The following CAPN8 variants were observed in gnomAD, a reference collection of about 807,000 sequenced individuals.
The protein encoded by CAPN8 is calpain 8.
Under a neutral mutation model 80.9 loss-of-function variants are expected in CAPN8, and 87 were observed. The observed-to-expected ratio is 1.07, with a 90% CI of 0.90 to 1.28. The LOEUF is 1.28. CAPN8 is among the 50% of genes most tolerant of loss of function. The probability of loss-of-function intolerance (pLI) is 0.00; values close to 1 mark genes in which losing one functional copy is unlikely to be tolerated. For synonymous variants in CAPN8, 299 were observed against 273.8 expected, an observed-to-expected ratio of 1.09 and a Z score of -0.91; for missense variants, 757 against 702.0, an observed-to-expected ratio of 1.08 and a Z score of -0.89.
At chr1:223,628,591 A>G in intron 3 of CAPN8, 71 bp downstream of exon 3, 2 of 1,206,394 alleles carry the variant, frequency 1.7e-6, no homozygotes, top group Non-Finnish European at 2.4e-6. Flanking sequence ...AGAATTTCTG[A>G]CGCAGTGGAC....
chr1:223,543,205 G>A, intron 19 of CAPN8, 39 bp from the exon 20 acceptor site: 1 of 1,549,512 alleles, frequency 6.5e-7, no homozygotes, highest in East Asian at 2.4e-5. Flanking sequence ...AGATAAGGCT[G>A]TTCCTGGACT....
At chr1:223,618,049 C>T (rs1657254091) in intron 9 of CAPN8, 1 of 594,154 alleles carries the variant, frequency 1.7e-6, no homozygotes, top group Non-Finnish European at 3.0e-6. Flanking sequence ...GCACCGAGCA[C>T]AGCCCTGCAG....
At chr1:223,543,314 A>AG (rs1656524738) in intron 19 of CAPN8, 148 bp from the exon 20 acceptor site, 2 of 844,444 alleles carry the variant, frequency 2.4e-6, no homozygotes, top group Admixed American at 4.1e-5. Flanking sequence ...ACCTAGGCCC[A>AG]GGGGCCTCAA....
intron 2 of CAPN8, among the ~76,000 whole-genome samples, chr1:223,652,436 T>G (rs1297899989): frequency 6.6e-6 from 1 of 152,116 alleles, no homozygotes; most frequent in African/African-American, 2.4e-5. Context: ...CAACAGAACA[T>G]TTAACAAACA....
At position 223,654,395 on chromosome 1, in the gene CAPN8, A is replaced by T. The variant is rs1231475005; in HGVS notation, c.242T>A (p.Leu81Ter). Residue 81 changes from leucine to a stop codon, truncating the protein, a stop_gained, in exon 2 of 21, where the codon TTG becomes TAG. Coordinates refer to ENST00000366872, the MANE Select transcript of CAPN8 (RefSeq NM_001143962.2). LOFTEE classifies it high-confidence loss of function. ...AACGATAAACTGAGGGCTGGGACAC[A>T]ACTCCTGAAAGTAATTTGGAACAAA... is the stretch of plus-strand genomic sequence containing the variant. Reference protein sequence around the residue: ...QGIIWKRPTELCPSPQFIVGG... With the variant: ...QGIIWKRPTE The T allele has an allele frequency of 6.4e-7, 1 of 1,551,710 alleles. No homozygotes were observed. Among genetic ancestry groups the T allele is most frequent in the African/African-American group, 1.4e-5 (1 of 73,178 alleles).
chr1:223,558,275 C>A, intron 12 of CAPN8, 108 bp from the exon 13 acceptor site: 1 of 396,184 alleles, frequency 2.5e-6, no homozygotes, highest in Non-Finnish European at 4.5e-6. Context: ...TGGGCTCGCA[C>A]CCCAGACCTC....
At chr1:223,656,416 C>G (rs188046547) in intron 1 of CAPN8, among the ~76,000 whole-genome samples, 1 of 151,946 alleles carries the variant, frequency 6.6e-6, no homozygotes, top group African/African-American at 2.4e-5. Context: ...GCCAAGATCA[C>G]GCCATTGCAC....
chr1:223,543,721 CA>C (rs1656536290), intron 19 of CAPN8, among the ~76,000 whole-genome samples: 1 of 152,204 alleles, frequency 6.6e-6, no homozygotes, highest in Admixed American at 6.5e-5. Flanking sequence ...TATTGAAAAA[CA>C]AATATAAATA....
intron 10 of CAPN8, among the ~76,000 whole-genome samples, chr1:223,615,330 C>T (rs1328369162): frequency 6.6e-6 from 1 of 152,188 alleles, no homozygotes; most frequent in Non-Finnish European, 1.5e-5. Context: ...TCTGGCTAGA[C>T]TTGTCAAGAC....
At chr1:223,557,500 A>G (rs1656931723) in intron 13 of CAPN8, among the ~76,000 whole-genome samples, 2 of 152,212 alleles carry the variant, frequency 1.3e-5, no homozygotes, top group African/African-American at 4.8e-5. Flanking sequence ...GCAGCACCCA[A>G]TATACCCATC....
chr1:223,619,499 G>T (rs1192766891), intron 8 of CAPN8, 46 bp from the exon 9 acceptor site: 4 of 1,547,174 alleles, frequency 2.6e-6, no homozygotes, highest in East Asian at 2.4e-5. Context: ...GGGCTGGGTT[G>T]TGATTAAAGG....
Position 223,641,582 on chromosome 1 carries a change from G to A in CAPN8, c.307+12748C>T, listed in dbSNP as rs557837084. Among the ~76,000 whole-genome samples the A allele has an allele frequency of 8.1e-4, 124 of 152,240 alleles. 1 individual carries two copies. Among genetic ancestry groups the A allele is most frequent in the Middle Eastern group, 3.4e-3 (1 of 294 alleles). On this transcript the variant is annotated intron_variant, in intron 2 of 20. Coordinates refer to ENST00000366872, the MANE Select transcript of CAPN8 (RefSeq NM_001143962.2). ...CCATTGCCCTTAGGAATAAAGTCCA[G>A]AATTCTTCACACAGTGCCAGAGCCC...
At chr1:223,647,736 T>C (rs942902054) in intron 2 of CAPN8, among the ~76,000 whole-genome samples, 6 of 152,132 alleles carry the variant, frequency 3.9e-5, no homozygotes, top group African/African-American at 1.4e-4. Flanking sequence ...AGACAAAAAA[T>C]AGGGCCATAA....
intron 7 of CAPN8, among the ~76,000 whole-genome samples, chr1:223,620,964 C>T (rs1224402239): frequency 3.2e-5 from 2 of 63,304 alleles, no homozygotes; most frequent in Non-Finnish European, 5.6e-5. Context: ...CAAGATCCAT[C>T]TTTAAAAAAA....
At chr1:223,615,285 CTT>C (rs1414800390) in intron 10 of CAPN8, among the ~76,000 whole-genome samples, 3 of 152,300 alleles carry the variant, frequency 2.0e-5, no homozygotes, top group African/African-American at 7.2e-5. Flanking sequence ...TATAAGGAGT[CTT>C]TGCCTGTATA....
intron 11 of CAPN8, 90 bp downstream of exon 11, chr1:223,612,156 C>G: frequency 8.9e-7 from 1 of 1,120,160 alleles, no homozygotes; most frequent in Non-Finnish European, 1.1e-6. Context: ...CAGCTTCTAC[C>G]ACAGGAAACA....
At chr1:223,664,521 G>A (rs1232301283) in intron 1 of CAPN8, among the ~76,000 whole-genome samples, 1 of 152,226 alleles carries the variant, frequency 6.6e-6, no homozygotes, top group African/African-American at 2.4e-5. Context: ...TTTTACAGAT[G>A]AGAAAACTAA....
chr1:223,651,068 A>G (rs1658330897), intron 2 of CAPN8, among the ~76,000 whole-genome samples: 1 of 152,128 alleles, frequency 6.6e-6, no homozygotes, highest in African/African-American at 2.4e-5. Context: ...AACTTATTCC[A>G]TCACCACATG....
At chr1:223,545,200 G>A (rs1341106824) in intron 17 of CAPN8, 31 bp downstream of exon 17, 2 of 1,551,556 alleles carry the variant, frequency 1.3e-6, no homozygotes, top group African/African-American at 1.4e-5. Context: ...TAGAACAGAG[G>A]AGAGGATGCC....
Sources: allele counts gnomAD v4.1 joint callset (sites outside exome capture counted in the v4.1 genomes callset), GRCh38; gene constraint gnomAD v4.1.1; transcripts MANE v1.5; gene names NCBI Gene and HGNC (gene_info 2026-07-23, HGNC 2026-07-21).